MRTO4: variants seen among roughly 807,000 people sequenced by gnomAD.
The protein encoded by MRTO4 is mRNA turnover protein 4 homolog.
In MRTO4, 7 loss-of-function variants were observed where a neutral mutation model predicts 28.6. The ratio of observed to expected loss-of-function variants is 0.24; its 90% CI spans 0.14 to 0.46. MRTO4 has a LOEUF of 0.46. MRTO4 is among the 20% of genes least tolerant of loss of function. The pLI, the probability that MRTO4 is intolerant of heterozygous loss-of-function variation, is 0.99. For synonymous variants in MRTO4, 113 were observed against 108.2 expected (o/e 1.04, Z -0.27); for missense variants, 302 against 298.3 (o/e 1.01, Z -0.09).
At chr1:19,254,960 A>AAAG in intron 2 of MRTO4, 120 bp downstream of exon 2, 3 of 813,272 alleles carry the variant, frequency 3.7e-6, no homozygotes, top group Non-Finnish European at 5.6e-6. Flanking sequence ...AAAAAAAAAA[A>AAAG]TCTCCAAGCT....
rs754219130 is a variant in MRTO4 at position 19,258,638 on chromosome 1, A to C, written c.571-43A>C. 1.9e-6 allele frequency: 3 copies of C among 1,613,888 alleles called. No individual in the cohort carries two copies. The African/African-American group carries it at 4.0e-5, about 22-fold the overall frequency. Reference sequence around the variant, plus strand: ...GAAAATGCCCCCCTGCACTTTGAATACCTTCATTCCTCCTGATTCTTTGTT... The same window carrying C: ...GAAAATGCCCCCCTGCACTTTGAATCCCTTCATTCCTCCTGATTCTTTGTT... On this transcript the variant is annotated intron_variant, in intron 7 of 7. Transcript: ENST00000330263.
Position 19,260,111 on chromosome 1 carries a change from A to T in MRTO4, c.*1281A>T, listed in dbSNP as rs1166862607. 2 of 152,250 alleles carry T rather than the reference A, an allele frequency of 1.3e-5. No individual in the cohort carries two copies. Among genetic ancestry groups the T allele is most frequent in the African/African-American group, 2.4e-5 (1 of 41,460 alleles). 9.4% of individuals were successfully genotyped at this position (152,250 alleles called of 1,614,324 possible). ...ATGAAAGCAGTTCTGAATGAGAGTA[A>T]ATCAGCTTCAGGGTGTACAGTGGCC... On this transcript the variant is annotated 3_prime_UTR_variant, in exon 8 of 8. Transcript: ENST00000330263.
rs769660709 is a variant in MRTO4, at chr1:19,256,029, C to A, written c.169C>A (p.Arg57=). ...GAGGAACAGCAAGCTGAAGGACATC[C>A]GGAACGCCTGGAAGCACAGCCGGTG... is the stretch of plus-strand genomic sequence containing the variant. ...NMRNSKLKDI[R]NAWKHSRMFF... Residue 57 remains arginine (R), a synonymous_variant, in exon 3 of 8, where the codon CGG becomes AGG. Coordinates refer to ENST00000330263, the MANE Select transcript of MRTO4 (RefSeq NM_016183.4). 15 of 1,614,070 alleles carry A rather than the reference C, an allele frequency of 9.3e-6. No individual in the cohort carries two copies. Among genetic ancestry groups the A allele is most frequent in the African/African-American group, 1.3e-5 (1 of 75,016 alleles).
chr1:19,254,665 C>CT (rs1162436426), intron 1 of MRTO4, 117 bp from the exon 2 acceptor site: 3 of 893,760 alleles, frequency 3.4e-6, no homozygotes, highest in Non-Finnish European at 5.6e-6. Context: ...GCCTTGCTGC[C>CT]TTTTTTCAGA....
Position 19,251,876 on chromosome 1 carries a change from G to A in MRTO4, c.28+13G>A, listed in dbSNP as rs776812401. On this transcript the variant is annotated intron_variant, in intron 1 of 7. Coordinates refer to ENST00000330263, the MANE Select transcript of MRTO4 (RefSeq NM_016183.4). Reference sequence around the variant, plus strand: ...CGCGACAAGAAAGGTGGGCGAAGGGGGAGTCGGGACCCTGGGGGGAGCTCC... The same window carrying A: ...CGCGACAAGAAAGGTGGGCGAAGGGAGAGTCGGGACCCTGGGGGGAGCTCC... The A allele has an allele frequency of 2.0e-5, 32 of 1,591,502 alleles. 2 individuals are homozygous for A. In the South Asian group the frequency reaches 3.3e-4, roughly 16 times the overall value.
At position 19,251,826 on chromosome 1, in the gene MRTO4, A is replaced by T. The variant is rs752495655; in HGVS notation, c.-10A>T. The T allele has an allele frequency of 1.9e-6, 3 of 1,577,338 alleles. No homozygotes were observed. The South Asian group carries it at 3.5e-5, about 18-fold the overall frequency. On this transcript the variant is annotated 5_prime_UTR_variant, in exon 1 of 8. Coordinates refer to ENST00000330263, the MANE Select transcript of MRTO4 (RefSeq NM_016183.4). ...GTGCACCGTCTTCCGCCGCACGTGG[A>T]TTCAGCGCGATGCCCAAATCCAAGC...
chr1:19,258,546 G>C lies in MRTO4; in HGVS notation c.563G>C (p.Arg188Pro), dbSNP rs764483401. Residue 188 changes from arginine to proline, a missense_variant, in exon 7 of 8, where the codon CGC becomes CCC. Arg to Pro is a moderately radical substitution (Grantham distance 103). Coordinates refer to ENST00000330263, the MANE Select transcript of MRTO4 (RefSeq NM_016183.4). ...EGDVLTPEQA[R>P]VLKLFGYEMA... ...GATGTGCTGACCCCAGAGCAGGCTCGCGTCCTGGTGAGTCTGGCGCCTTGC... is the reference window on the plus strand; with the variant it reads ...GATGTGCTGACCCCAGAGCAGGCTCCCGTCCTGGTGAGTCTGGCGCCTTGC... 2 of 1,614,094 alleles carry C rather than the reference G, an allele frequency of 1.2e-6. No homozygotes were observed. Among genetic ancestry groups the C allele is most frequent in the South Asian group, 1.1e-5 (1 of 91,086 alleles).
At chr1:19,252,090 T>G (rs758743326) in intron 1 of MRTO4, 168 of 609,306 alleles carry the variant, frequency 2.8e-4, no homozygotes, top group Non-Finnish European at 4.2e-4. Flanking sequence ...TTGCCTAGTT[T>G]CAGGTGCTCT....
intron 3 of MRTO4, 149 bp from the exon 4 acceptor site, chr1:19,256,915 A>G: frequency 1.4e-6 from 1 of 715,410 alleles, no homozygotes; most frequent in Non-Finnish European, 2.4e-6. Flanking sequence ...CAACGTGGGG[A>G]CAGTGTGGCC....
rs560213277 is a variant in MRTO4 at position 19,257,749 on chromosome 1, C to T, written c.342-84C>T. 1.0e-4 allele frequency: 161 copies of T among 1,550,776 alleles called. 4 individuals are homozygous for T. The South Asian group carries it at 1.8e-3, about 17-fold the overall frequency. On this transcript the variant is annotated intron_variant, in intron 5 of 7. Transcript: ENST00000330263. ...GTCTGTGATGGGGGAAGGCCCAGGG[C>T]CACGGGACACTTGGGGGAGCCTGAC...
Position 19,258,763 on chromosome 1 carries a change from T to C in MRTO4, c.653T>C (p.Met218Thr), listed in dbSNP as rs777446790. ...TCACAGTCGGGAAGGTTCCAGCAGA[T>C]GGGAGACGACTTGCCAGAGAGCGCA... is the stretch of plus-strand genomic sequence containing the variant. ...WDSQSGRFQQ[M>T]GDDLPESASE... The change falls in exon 8 of 8, where the codon ATG becomes ACG. Residue 218 changes from methionine to threonine, a missense_variant. By Grantham distance (81) the Met-to-Thr change is moderately conservative. Transcript: ENST00000330263. 6.2e-7 allele frequency: 1 copy of C among 1,614,172 alleles called. No homozygotes were observed. Among genetic ancestry groups the C allele is most frequent in the Non-Finnish European group, 8.5e-7 (1 of 1,180,032 alleles).
chr1:19,253,845 A>G (rs2093667481), intron 1 of MRTO4, among the ~76,000 whole-genome samples: 1 of 152,130 alleles, frequency 6.6e-6, no homozygotes, highest in African/African-American at 2.4e-5. Flanking sequence ...GAACGATTTG[A>G]TTCTGTGGAG....
chr1:19,258,674 C>T lies in MRTO4; in HGVS notation c.571-7C>T, dbSNP rs574378241. On this transcript the variant is annotated splice_polypyrimidine_tract_variant and splice_region_variant and intron_variant, in intron 7 of 7. Transcript: ENST00000330263. ...TCCTGATTCTTTGTTCCCTTTGTCTCTTGCAGAAGCTTTTTGGGTATGAGA... is the reference window on the plus strand; with the variant it reads ...TCCTGATTCTTTGTTCCCTTTGTCTTTTGCAGAAGCTTTTTGGGTATGAGA... The T allele has an allele frequency of 7.3e-5, 118 of 1,614,192 alleles. 1 individual carries two copies. The South Asian group carries it at 1.2e-3, about 17-fold the overall frequency.
chr1:19,259,268 A>G lies in MRTO4; in HGVS notation c.*438A>G, dbSNP rs2093676705. The G allele has an allele frequency of 6.5e-6, 1 of 153,468 alleles. No individual in the cohort carries two copies. Among genetic ancestry groups the G allele is most frequent in the African/African-American group, 2.5e-5 (1 of 40,132 alleles). 9.5% of individuals were successfully genotyped at this position (153,468 alleles called of 1,614,324 possible). A position where few individuals can be genotyped will look rare whatever the true frequency, so the allele number is the denominator to read the frequency against. On this transcript the variant is annotated 3_prime_UTR_variant, in exon 8 of 8. Transcript: ENST00000330263. ...CAACAGAGTAAAACTCTGTCCCAAA[A>G]AAAAAAAAAGAATACAACCTTGCAG...
chr1:19,256,114 A>G (rs1014715099), intron 3 of MRTO4, 63 bp downstream of exon 3: 2 of 1,455,010 alleles, frequency 1.4e-6, no homozygotes, highest in Non-Finnish European at 1.9e-6. Flanking sequence ...CTCTCAGTCA[A>G]AGCACAGGAG....
intron 1 of MRTO4, among the ~76,000 whole-genome samples, chr1:19,252,466 G>A (rs2093663407): frequency 6.6e-6 from 1 of 152,214 alleles, no homozygotes; most frequent in Non-Finnish European, 1.5e-5. Flanking sequence ...GGGAGGCCGA[G>A]GCGGGCGAAT....
chr1:19,258,045 G>T (rs1159490704), intron 6 of MRTO4, 61 bp downstream of exon 6: 5 of 1,569,088 alleles, frequency 3.2e-6, no homozygotes, highest in Non-Finnish European at 1.7e-6. Context: ...GGGCCTGCAA[G>T]CTCATCCCTT....
chr1:19,258,897 G>A lies in MRTO4; in HGVS notation c.*67G>A, dbSNP rs533570838. 5.3e-5 allele frequency: 81 copies of A among 1,539,252 alleles called. No homozygotes were observed. Among genetic ancestry groups the A allele is most frequent in the East Asian group, 6.9e-5 (3 of 43,194 alleles). ...TCACTGGACCATCAGGACTGCTGCC[G>A]CCCCTCTGGAGAGAGCAGCTTTTTA... is the stretch of plus-strand genomic sequence containing the variant. On this transcript the variant is annotated 3_prime_UTR_variant, in exon 8 of 8. Transcript: ENST00000330263.
rs1557133 is a variant in MRTO4, at chr1:19,256,069, G to C, written c.191+18G>C. 7 of 1,612,346 alleles carry C rather than the reference G, an allele frequency of 4.3e-6. No individual in the cohort carries two copies. The highest frequency in any genetic ancestry group is 1.3e-5 in the African/African-American group (1 of 74,860). ...CACAGCCGGTGAGCGGGCAGGGGGA[G>C]GAAGGCCCTTCTGAGTGGGGACCCG... On this transcript the variant is annotated intron_variant, in intron 3 of 7. Transcript: ENST00000330263.
Sources: gnomAD v4.1 joint callset for allele counts (sites outside exome capture counted in the v4.1 genomes callset) on GRCh38, gnomAD v4.1.1 for gene constraint, MANE v1.5 for transcripts, NCBI Gene and HGNC (gene_info 2026-07-23, HGNC 2026-07-21) for gene names.